FAM219A: variants seen among roughly 807,000 people sequenced by gnomAD.
FAM219A encodes the protein family with sequence similarity 219 member A.
FAM219A carries 7 observed loss-of-function variants against 23.4 expected under a neutral mutation model. The observed-to-expected ratio is 0.30, with a 90% CI of 0.17 to 0.56. The LOEUF (loss-of-function observed/expected upper bound fraction) is 0.56, where lower values mean the gene tolerates loss of function less well. Among genes scored for constraint, FAM219A ranks in the 20% least tolerant of loss-of-function variants. FAM219A has a pLI of 0.92. For synonymous variants in FAM219A, 93 were observed against 99.0 expected (o/e 0.94, Z 0.36); for missense variants, 166 against 246.9 (o/e 0.67, Z 2.20).
intron 1 of FAM219A, among the ~76,000 whole-genome samples, chr9:34,416,060 C>T (rs947598713): frequency 6.6e-6 from 1 of 151,758 alleles, no homozygotes; most frequent in African/African-American, 2.4e-5. Flanking sequence ...ACCTGTAGCC[C>T]CAGCTACTCG....
chr9:34,401,528 G>A (rs2131921664), intron 5 of FAM219A, 138 bp downstream of exon 5: 2 of 964,574 alleles, frequency 2.1e-6, no homozygotes, highest in Non-Finnish European at 3.1e-6. Flanking sequence ...TCCTATCCCA[G>A]GCCCACCCTG....
chr9:34,419,773 C>T (rs1166505189), intron 1 of FAM219A, among the ~76,000 whole-genome samples: 3 of 152,152 alleles, frequency 2.0e-5, no homozygotes, highest in East Asian at 1.9e-4. Context: ...ATCTTTGGGG[C>T]TCCTTGATTT....
chr9:34,414,402 G>A (rs912816009), intron 1 of FAM219A, among the ~76,000 whole-genome samples: 1 of 152,210 alleles, frequency 6.6e-6, no homozygotes, highest in East Asian at 1.9e-4. Flanking sequence ...AATTGGCCAG[G>A]ACTTATGTCC....
chr9:34,447,773 C>T (rs1823423449), intron 1 of FAM219A, among the ~76,000 whole-genome samples: 1 of 151,994 alleles, frequency 6.6e-6, no homozygotes, highest in Non-Finnish European at 1.5e-5. Context: ...AGGTTACTCC[C>T]TCTCACCTGG....
At chr9:34,445,576 C>T (rs1823338799) in intron 1 of FAM219A, among the ~76,000 whole-genome samples, 1 of 152,130 alleles carries the variant, frequency 6.6e-6, no homozygotes, top group South Asian at 2.1e-4. Context: ...GCTGGACTTA[C>T]TAGAAAGAAA....
Position 34,458,025 on chromosome 9 carries a change from G to A in FAM219A, c.60+179C>T, listed in dbSNP as rs1418977885. ...TTACAGGTCCCTTTGCTCTCATCCA[G>A]CATATTCTCCCACGGTTTTCTTGTC... On this transcript the variant is annotated intron_variant, in intron 1 of 5. Coordinates refer to ENST00000651358, the MANE Select transcript of FAM219A (RefSeq NM_001184940.2). The surrounding 1 kb of genome is among the most constrained non-coding windows in gnomAD (Gnocchi z 6.6). Among the ~76,000 whole-genome samples, 1 of 152,192 alleles carries A rather than the reference G, an allele frequency of 6.6e-6. No homozygotes were observed. Among genetic ancestry groups the A allele is most frequent in the African/African-American group, 2.4e-5 (1 of 41,450 alleles).
chr9:34,400,671 C>A lies in FAM219A; in HGVS notation c.*293G>T, dbSNP rs1240302061. 3.3e-6 allele frequency: 1 copy of A among 304,340 alleles called. No individual in the cohort carries two copies. The highest frequency in any genetic ancestry group is 1.1e-4 in the South Asian group (1 of 9,098). 18.9% of individuals were successfully genotyped at this position (304,340 alleles called of 1,614,324 possible). On this transcript the variant is annotated 3_prime_UTR_variant, in exon 6 of 6. Transcript: ENST00000651358. ...CCGTCCAGTCTTCTCTCTTGGCCAG[C>A]CCTGGGAAGCGGGGCAGGGTGCTGG... is the stretch of plus-strand genomic sequence containing the variant.
At chr9:34,448,884 GT>G (rs1823461207) in intron 1 of FAM219A, among the ~76,000 whole-genome samples, 1 of 151,754 alleles carries the variant, frequency 6.6e-6, no homozygotes, top group Non-Finnish European at 1.5e-5. Context: ...AAGACTACAT[GT>G]TGGGTACATT....
Position 34,398,315 on chromosome 9 carries a change from A to G in FAM219A, c.*2649T>C. Reference sequence around the variant, plus strand: ...TCATGTCTTCCACACACCTTCCTGGAAATAAATTAGTGAGCACGGAGAAAC... The same window carrying G: ...TCATGTCTTCCACACACCTTCCTGGGAATAAATTAGTGAGCACGGAGAAAC... On this transcript the variant is annotated 3_prime_UTR_variant, in exon 6 of 6. Transcript: ENST00000651358. 1 of 1,550,894 alleles carries G rather than the reference A, an allele frequency of 6.4e-7. No homozygotes were observed. Among genetic ancestry groups the G allele is most frequent in the African/African-American group, 1.4e-5 (1 of 73,180 alleles).
At chr9:34,434,190 A>G (rs1822820000) in intron 1 of FAM219A, among the ~76,000 whole-genome samples, 3 of 126,686 alleles carry the variant, frequency 2.4e-5, no homozygotes, top group African/African-American at 9.1e-5. Context: ...CAACAGAGCT[A>G]GACTCCGTCT....
intron 1 of FAM219A, among the ~76,000 whole-genome samples, chr9:34,428,120 A>G (rs1191081386): frequency 1.3e-5 from 2 of 152,206 alleles, no homozygotes; most frequent in African/African-American, 2.4e-5. Context: ...AAACCATCAG[A>G]AAACTCTTTG....
intron 1 of FAM219A, among the ~76,000 whole-genome samples, chr9:34,436,677 T>C (rs537342779): frequency 2.0e-5 from 3 of 152,378 alleles, no homozygotes; most frequent in Middle Eastern, 3.4e-3. Flanking sequence ...TGCCAGTTAT[T>C]GTTCCAGAGA....
intron 1 of FAM219A, among the ~76,000 whole-genome samples, chr9:34,420,980 G>GTA (rs1822249901): frequency 7.6e-6 from 1 of 132,244 alleles, no homozygotes; most frequent in African/African-American, 3.4e-5. Flanking sequence ...ACTCGTGTGT[G>GTA]TGTGTGTGTG....
chr9:34,440,694 C>T (rs901967263), intron 1 of FAM219A, among the ~76,000 whole-genome samples: 4 of 150,726 alleles, frequency 2.7e-5, no homozygotes, highest in Non-Finnish European at 5.9e-5. Context: ...ACTAAAAATA[C>T]AAAAAATTAG....
chr9:34,414,387 C>T (rs1217955207), intron 1 of FAM219A, among the ~76,000 whole-genome samples: 3 of 152,228 alleles, frequency 2.0e-5, no homozygotes, highest in Non-Finnish European at 4.4e-5. Flanking sequence ...CCTGCAGAGC[C>T]AGGCAATTGG....
At chr9:34,421,792 CT>C (rs1227967163) in intron 1 of FAM219A, among the ~76,000 whole-genome samples, 1 of 152,056 alleles carries the variant, frequency 6.6e-6, no homozygotes, top group Non-Finnish European at 1.5e-5. Flanking sequence ...ATCTGTGCCC[CT>C]AGGACAGTGT....
At chr9:34,420,986 GTGTGTA>G (rs1420359409) in intron 1 of FAM219A, among the ~76,000 whole-genome samples, 20 of 128,778 alleles carry the variant, frequency 1.6e-4, no homozygotes, top group African/African-American at 5.7e-4. Context: ...GTGTGTGTGT[GTGTGTA>G]TGTGTGTGTG....
At chr9:34,427,424 A>G (rs555229966) in intron 1 of FAM219A, among the ~76,000 whole-genome samples, 2 of 152,206 alleles carry the variant, frequency 1.3e-5, no homozygotes, top group Admixed American at 6.5e-5. Context: ...AGCTTCCCAT[A>G]AATGCCAGGC....
intron 1 of FAM219A, among the ~76,000 whole-genome samples, chr9:34,439,886 C>T (rs1250732162): frequency 6.6e-6 from 1 of 152,158 alleles, no homozygotes; most frequent in African/African-American, 2.4e-5. Context: ...AGGGGCTACA[C>T]GGGGCACTCC....
Sources: allele counts gnomAD v4.1 joint callset (sites outside exome capture counted in the v4.1 genomes callset), GRCh38; gene constraint gnomAD v4.1.1; non-coding constraint Gnocchi (gnomAD v3.1); transcripts MANE v1.5; gene names NCBI Gene and HGNC (gene_info 2026-07-23, HGNC 2026-07-21).